The following FRMD6 variants were observed in gnomAD, a reference collection of about 807,000 sequenced individuals.
FRMD6 encodes the protein FERM domain-containing protein 6.
FRMD6 carries 37 observed loss-of-function variants against 73.2 expected under a neutral mutation model. The ratio of observed to expected loss-of-function variants is 0.51; its 90% CI spans 0.39 to 0.66. The LOEUF is 0.66. Ranked by LOEUF, FRMD6 falls within the 30% of genes least tolerant of loss-of-function variation. The probability of loss-of-function intolerance (pLI) is 0.00; values close to 1 mark genes in which losing one functional copy is unlikely to be tolerated. For synonymous variants in FRMD6, 273 were observed against 282.2 expected, an observed-to-expected ratio of 0.97 and a Z score of 0.33; for missense variants, 714 against 780.5, an observed-to-expected ratio of 0.91 and a Z score of 1.02.
At chr14:51,713,122 C>G (rs915948593) in intron 9 of FRMD6, among the ~76,000 whole-genome samples, 2 of 151,968 alleles carry the variant, frequency 1.3e-5, no homozygotes, top group African/African-American at 4.8e-5. Context: ...TGGTAGGGTT[C>G]AAAGAATTAT....
At position 51,701,038 on chromosome 14, in the gene FRMD6, C is replaced by CT. The variant is rs749824500; in HGVS notation, c.191-10dup. 581 of 1,250,056 alleles carry CT rather than the reference C, an allele frequency of 4.6e-4. No individual in the cohort carries two copies. Among genetic ancestry groups the CT allele is most frequent in the South Asian group, 8.3e-4 (49 of 58,838 alleles). 77.4% of individuals were successfully genotyped at this position (1,250,056 alleles called of 1,614,324 possible). A position where few individuals can be genotyped will look rare whatever the true frequency, so the allele number is the denominator to read the frequency against. ...AATCCTTTCTTTAGCATGTCGTCTC[C>CT]TTTTTTTTAATGTACAGATAATGAA... is the stretch of plus-strand genomic sequence containing the variant. On this transcript the variant is annotated splice_polypyrimidine_tract_variant and intron_variant, in intron 3 of 13. Coordinates refer to ENST00000344768, the MANE Select transcript of FRMD6 (RefSeq NM_001267046.2).
chr14:51,597,334 C>T (rs773010517), intron 2 of FRMD6, among the ~76,000 whole-genome samples: 7 of 152,212 alleles, frequency 4.6e-5, no homozygotes, highest in African/African-American at 7.2e-5. Flanking sequence ...AGGAGATTGA[C>T]CCTAGCTAAA....
chr14:51,525,637 G>T (rs1885209351), intron 1 of FRMD6, among the ~76,000 whole-genome samples: 2 of 152,062 alleles, frequency 1.3e-5, no homozygotes, highest in Admixed American at 1.3e-4. Context: ...TGCTTAATTT[G>T]AATCCCTAGT....
intron 2 of FRMD6, 124 bp from the exon 3 acceptor site, chr14:51,698,018 T>A: frequency 1.6e-6 from 1 of 623,308 alleles, no homozygotes. Flanking sequence ...AAGCAGCAGT[T>A]GTTTTCTACT....
chr14:51,546,106 T>C (rs1301458618), intron 1 of FRMD6, among the ~76,000 whole-genome samples: 1 of 152,150 alleles, frequency 6.6e-6, no homozygotes. Flanking sequence ...TAGAAAAATA[T>C]GACAAGTCTG....
intron 1 of FRMD6, among the ~76,000 whole-genome samples, chr14:51,672,766 C>T (rs2140249498): frequency 6.6e-6 from 1 of 152,184 alleles, no homozygotes; most frequent in South Asian, 2.1e-4. Flanking sequence ...ATTTGTCCAT[C>T]TTATCTATGT....
At chr14:51,561,777 A>C (rs1293585120) in intron 1 of FRMD6, among the ~76,000 whole-genome samples, 1 of 152,248 alleles carries the variant, frequency 6.6e-6, no homozygotes, top group Admixed American at 6.5e-5. Context: ...CAAATAATAC[A>C]TATAATCCTT....
At chr14:51,493,732 C>G (rs1194527624) in intron 1 of FRMD6, among the ~76,000 whole-genome samples, 1 of 152,188 alleles carries the variant, frequency 6.6e-6, no homozygotes, top group African/African-American at 2.4e-5. Context: ...TCATATTACT[C>G]AGGCCAATTC....
At chr14:51,707,190 A>T (rs928367918) in intron 6 of FRMD6, among the ~76,000 whole-genome samples, 4 of 152,160 alleles carry the variant, frequency 2.6e-5, no homozygotes, top group Non-Finnish European at 5.9e-5. Flanking sequence ...AATCTGTGTA[A>T]CTTGAGTTCT....
At chr14:51,705,628 C>G (rs951969232) in intron 6 of FRMD6, among the ~76,000 whole-genome samples, 4 of 152,046 alleles carry the variant, frequency 2.6e-5, no homozygotes, top group Non-Finnish European at 5.9e-5. Context: ...ACTACTCTTG[C>G]CTTTCCTTCT....
At chr14:51,695,784 T>G (rs1176021718) in intron 2 of FRMD6, among the ~76,000 whole-genome samples, 2 of 152,192 alleles carry the variant, frequency 1.3e-5, no homozygotes, top group African/African-American at 4.8e-5. Flanking sequence ...TTCTGCTCTT[T>G]CCAGTGGGTA....
At chr14:51,532,368 CAAAAAA>C (rs35803305) in intron 1 of FRMD6, among the ~76,000 whole-genome samples, 3 of 117,854 alleles carry the variant, frequency 2.5e-5, no homozygotes, top group Non-Finnish European at 1.9e-5. Context: ...GACTCCATCT[CAAAAAA>C]AAAAAAAAAA....
intron 1 of FRMD6, chr14:51,522,726 T>G (rs1420710077): frequency 6.6e-6 from 1 of 152,228 alleles, no homozygotes; most frequent in Non-Finnish European, 1.5e-5. Context: ...ATTCTTCCTA[T>G]GTTGGAAATG....
chr14:51,499,907 C>T (rs529881406), intron 1 of FRMD6, among the ~76,000 whole-genome samples: 1 of 152,036 alleles, frequency 6.6e-6, no homozygotes, highest in East Asian at 1.9e-4. Context: ...TGAAAATATT[C>T]TCATGAGTTA....
chr14:51,672,572 T>C (rs938512562), intron 1 of FRMD6, among the ~76,000 whole-genome samples: 2 of 152,206 alleles, frequency 1.3e-5, no homozygotes, highest in African/African-American at 4.8e-5. Flanking sequence ...ATGCACTAGG[T>C]GGCTGGTATT....
Position 51,657,691 on chromosome 14 carries a change from G to C in FRMD6, c.-147+5695G>C, listed in dbSNP as rs150545937. Among the ~76,000 whole-genome samples, 387 of 152,242 alleles carry C rather than the reference G, an allele frequency of 2.5e-3. 3 individuals are homozygous for C. The highest frequency in any genetic ancestry group is 8.2e-3 in the African/African-American group (341 of 41,538). ...TGAGCACTTTGGGGTTGAAAGCAGAGTATGGTCTTAAAATTAAAAGAGAAA... is the reference window on the plus strand; with the variant it reads ...TGAGCACTTTGGGGTTGAAAGCAGACTATGGTCTTAAAATTAAAAGAGAAA... On this transcript the variant is annotated intron_variant, in intron 1 of 13. Coordinates refer to ENST00000344768, the MANE Select transcript of FRMD6 (RefSeq NM_001267046.2).
At chr14:51,455,928 G>A in the FRMD6 span, among the ~76,000 whole-genome samples, 3 of 152,092 alleles carry the variant, frequency 2.0e-5, no homozygotes, top group Non-Finnish European at 4.4e-5. Context: ...GTAAGATTAA[G>A]GATTAAAATT....
intron 9 of FRMD6, chr14:51,714,685 G>C (rs1897148888): frequency 6.6e-6 from 1 of 152,034 alleles, no homozygotes; most frequent in South Asian, 2.1e-4. Flanking sequence ...GTTTAGCTAG[G>C]GAAGTTTTCC....
At chr14:51,519,671 G>A (rs529783279) in intron 1 of FRMD6, among the ~76,000 whole-genome samples, 1 of 152,230 alleles carries the variant, frequency 6.6e-6, no homozygotes, top group South Asian at 2.1e-4. Flanking sequence ...AGGTCATGGT[G>A]ATCCTTACAC....
Sources: gnomAD v4.1 joint callset for allele counts (sites outside exome capture counted in the v4.1 genomes callset) on GRCh38, gnomAD v4.1.1 for gene constraint, MANE v1.5 for transcripts, NCBI Gene and HGNC (gene_info 2026-07-23, HGNC 2026-07-21) for gene names.